Variants in ZHX3 observed in about 807,000 individuals in gnomAD.
ZHX3 encodes the protein zinc fingers and homeoboxes protein 3.
In ZHX3, 20 loss-of-function variants were observed where a neutral mutation model predicts 64.5. The observed-to-expected ratio is 0.31, with a 90% CI of 0.22 to 0.45. The LOEUF is 0.45. Among genes scored for constraint, ZHX3 ranks in the 20% least tolerant of loss-of-function variants. ZHX3 has a pLI of 1.00. For synonymous variants in ZHX3, 423 were observed against 461.6 expected (o/e 0.92, Z 1.07); for missense variants, 1,041 against 1,195.8 (o/e 0.87, Z 1.91).
intron 1 of ZHX3, among the ~76,000 whole-genome samples, chr20:41,282,112 A>T (rs1230441160): frequency 6.6e-6 from 1 of 152,128 alleles, no homozygotes; most frequent in African/African-American, 2.4e-5. Flanking sequence ...ATTTACCCCA[A>T]GATGAAGAAG....
chr20:41,202,642 G>A lies in ZHX3; in HGVS notation c.2275C>T (p.Leu759=). 1 of 1,613,908 alleles carries A rather than the reference G, an allele frequency of 6.2e-7. No individual in the cohort carries two copies. Among genetic ancestry groups the A allele is most frequent in the Non-Finnish European group, 8.5e-7 (1 of 1,180,024 alleles). The stretch of plus-strand genomic sequence containing the variant: ...ACTTTGCCTGGGAGCTGCTCTGCCA[G>A]TTTGTTTGACTCATCATCCTCAGGG... ...CDPEDDESNK[L]AEQLPGKVSC... The change falls in exon 3 of 4, where the codon CTG becomes TTG. Residue 759 remains leucine, a synonymous_variant. Transcript: ENST00000683867. The surrounding 1 kb of genome is among the most constrained non-coding windows in gnomAD (Gnocchi z 7.0).
Position 41,204,992 on chromosome 20 carries a change from G to A in ZHX3, c.-76C>T, listed in dbSNP as rs535106207. On this transcript the variant is annotated 5_prime_UTR_variant, in exon 3 of 4. Transcript: ENST00000683867. The surrounding 1 kb of genome is among the most constrained non-coding windows in gnomAD (Gnocchi z 6.6). ...CTAACAATACAAGTTCCAGCTTCTC[G>A]ATGAGGGCCAAAGAAACAGTTTCTA... 56 of 1,438,572 alleles carry A rather than the reference G, an allele frequency of 3.9e-5. No individual in the cohort carries two copies. In the African/African-American group the frequency reaches 4.1e-4, roughly 11 times the overall value. 89.1% of individuals were successfully genotyped at this position (1,438,572 alleles called of 1,614,324 possible).
At chr20:41,290,192 T>C (rs560983153) in intron 1 of ZHX3, 1 of 152,368 alleles carries the variant, frequency 6.6e-6, no homozygotes, top group South Asian at 2.1e-4. Context: ...GCTGATTATG[T>C]GCCAGGTACT....
At chr20:41,188,834 G>C (rs2036759720) in intron 3 of ZHX3, among the ~76,000 whole-genome samples, 1 of 152,016 alleles carries the variant, frequency 6.6e-6, no homozygotes. Context: ...TATTTCCTTT[G>C]CTATGCAGAA....
intron 2 of ZHX3, among the ~76,000 whole-genome samples, chr20:41,262,832 T>G (rs1316498364): frequency 2.6e-5 from 4 of 151,494 alleles, no homozygotes. Flanking sequence ...GAAAAAAAAA[T>G]TGGAGAGATA....
intron 3 of ZHX3, among the ~76,000 whole-genome samples, chr20:41,191,517 G>A (rs1245619886): frequency 4.6e-5 from 7 of 151,902 alleles, no homozygotes; most frequent in African/African-American, 1.7e-4. Flanking sequence ...TTTTTTATTG[G>A]AATCTATTGC....
intron 3 of ZHX3, among the ~76,000 whole-genome samples, chr20:41,199,721 A>G (rs1321457607): frequency 6.9e-6 from 1 of 144,650 alleles, no homozygotes; most frequent in Admixed American, 6.9e-5. Flanking sequence ...TTTTTTTTGC[A>G]ATGGAGCCTC....
At position 41,201,848 on chromosome 20, in the gene ZHX3, G is replaced by C. The variant is rs1203361529; in HGVS notation, c.2860+209C>G. ...CCTGCGCAGGTTTTTAAAAACACAT[G>C]AAACAAAAAACAGCTCTCAACCGTT... On this transcript the variant is annotated intron_variant, in intron 3 of 3. Transcript: ENST00000683867. This position sits in a 1 kb window ranked among gnomAD's most constrained non-coding sequence, Gnocchi z 5.0. Among the ~76,000 whole-genome samples, 3 of 152,100 alleles carry C rather than the reference G, an allele frequency of 2.0e-5. No homozygotes were observed. Among genetic ancestry groups the C allele is most frequent in the Non-Finnish European group, 4.4e-5 (3 of 67,986 alleles).
At chr20:41,276,310 T>G (rs1469158735) in intron 1 of ZHX3, among the ~76,000 whole-genome samples, 1 of 152,170 alleles carries the variant, frequency 6.6e-6, no homozygotes, top group Non-Finnish European at 1.5e-5. Context: ...GGAAGTACTT[T>G]AAGAGTATAT....
chr20:41,267,104 C>T (rs2042900063), intron 2 of ZHX3, among the ~76,000 whole-genome samples: 1 of 152,134 alleles, frequency 6.6e-6, no homozygotes, highest in South Asian at 2.1e-4. Flanking sequence ...GCCTTGGCCT[C>T]CCAGAGTGCT....
At chr20:41,248,904 A>G (rs1237015335) in intron 2 of ZHX3, among the ~76,000 whole-genome samples, 1 of 152,234 alleles carries the variant, frequency 6.6e-6, no homozygotes, top group African/African-American at 2.4e-5. Flanking sequence ...GTCAATTTAT[A>G]GCCAAGTAAC....
rs2038179731 is a variant in ZHX3 at position 41,201,075 on chromosome 20, C to G, written c.2860+982G>C. On this transcript the variant is annotated intron_variant, in intron 3 of 3. Coordinates refer to ENST00000683867, the MANE Select transcript of ZHX3 (RefSeq NM_001384317.1). The surrounding 1 kb of genome is among the most constrained non-coding windows in gnomAD (Gnocchi z 5.0). ...TGTGGGATTTCTGAGGGATAGGCCA[C>G]TATGGTTGGCCCTGGGGATGAGGTA... 6.6e-6 allele frequency among the ~76,000 whole-genome samples: 1 copy of G among 152,192 alleles called. No individual in the cohort carries two copies. The highest frequency in any genetic ancestry group is 1.5e-5 in the Non-Finnish European group (1 of 68,034).
At position 41,232,029 on chromosome 20, in the gene ZHX3, C is replaced by G. The variant is rs2040639774; in HGVS notation, c.-150-26963G>C. Among the ~76,000 whole-genome samples, 1 of 151,946 alleles carries G rather than the reference C, an allele frequency of 6.6e-6. No homozygotes were observed. The highest frequency in any genetic ancestry group is 1.5e-5 in the Non-Finnish European group (1 of 68,014). On this transcript the variant is annotated intron_variant, in intron 2 of 3. Transcript: ENST00000683867. The surrounding 1 kb of genome is among the most constrained non-coding windows in gnomAD (Gnocchi z 5.0). ...TTCCGTACCATTAGACGCTGACAGCCCAGACCCCACCAAAATAGAGGCAGT... is the reference window on the plus strand; with the variant it reads ...TTCCGTACCATTAGACGCTGACAGCGCAGACCCCACCAAAATAGAGGCAGT...
intron 1 of ZHX3, among the ~76,000 whole-genome samples, chr20:41,295,647 G>A (rs1455204385): frequency 1.3e-5 from 2 of 152,064 alleles, no homozygotes; most frequent in Admixed American, 6.5e-5. Context: ...GCGGGAGATC[G>A]AGACCATCCT....
intron 1 of ZHX3, among the ~76,000 whole-genome samples, chr20:41,282,991 C>T (rs900733936): frequency 2.0e-5 from 3 of 152,124 alleles, no homozygotes; most frequent in African/African-American, 7.2e-5. Context: ...TCACTGCAAC[C>T]TCCGTCTCCT....
chr20:41,295,414 C>T (rs919565540), intron 1 of ZHX3, among the ~76,000 whole-genome samples: 1 of 152,002 alleles, frequency 6.6e-6, no homozygotes, highest in Non-Finnish European at 1.5e-5. Flanking sequence ...GGGAACAATA[C>T]AAACTTGTAT....
chr20:41,310,329 T>C (rs755749590), intron 1 of ZHX3, among the ~76,000 whole-genome samples: 12 of 152,238 alleles, frequency 7.9e-5, no homozygotes, highest in Non-Finnish European at 1.5e-4. Flanking sequence ...CTCAATGGTA[T>C]GTCAAACCTT....
chr20:41,184,911 G>C lies in ZHX3; in HGVS notation c.*280C>G, dbSNP rs776974739. 7 of 1,534,538 alleles carry C rather than the reference G, an allele frequency of 4.6e-6. No individual in the cohort carries two copies. The African/African-American group carries it at 8.2e-5, about 18-fold the overall frequency. ...ATTCTGTGTCTATGAATATGACTATGAACTCTGAACTATTTTATCCATTGG... is the reference window on the plus strand; with the variant it reads ...ATTCTGTGTCTATGAATATGACTATCAACTCTGAACTATTTTATCCATTGG... On this transcript the variant is annotated 3_prime_UTR_variant, in exon 4 of 4. Transcript: ENST00000683867.
intron 2 of ZHX3, among the ~76,000 whole-genome samples, chr20:41,245,894 G>A (rs1318538154): frequency 1.3e-5 from 2 of 152,332 alleles, no homozygotes; most frequent in South Asian, 2.1e-4. Flanking sequence ...AGCAAGCAAG[G>A]AAAGGGTGAA....
Sources: gnomAD v4.1 joint callset for allele counts (sites outside exome capture counted in the v4.1 genomes callset) on GRCh38, gnomAD v4.1.1 for gene constraint, Gnocchi (gnomAD v3.1) non-coding constraint, MANE v1.5 for transcripts, NCBI Gene and HGNC (gene_info 2026-07-23, HGNC 2026-07-21) for gene names.